MARCHF8: variants seen among roughly 807,000 people sequenced by gnomAD.
MARCHF8 encodes the protein E3 ubiquitin-protein ligase MARCHF8.
MARCHF8 carries 40 observed loss-of-function variants against 51.6 expected under a neutral mutation model. That is an observed-to-expected ratio of 0.77 (90% CI 0.60 to 1.01). MARCHF8 has a LOEUF of 1.01. Among genes scored for constraint, MARCHF8 ranks in the 50% least tolerant of loss-of-function variants. MARCHF8 has a pLI of 0.00. For synonymous variants in MARCHF8, 263 were observed against 280.3 expected, an observed-to-expected ratio of 0.94 and a Z score of 0.62; for missense variants, 685 against 708.6, an observed-to-expected ratio of 0.97 and a Z score of 0.38.
chr10:45,511,648 G>A lies in MARCHF8; in HGVS notation c.102+21462C>T, dbSNP rs936673106. Reference sequence around the variant, plus strand: ...TGGTCTCCAGCTCCTAACCGCGAGTGATCCGCCAGCCTCGGCCTCCCGAGG... The same window carrying A: ...TGGTCTCCAGCTCCTAACCGCGAGTAATCCGCCAGCCTCGGCCTCCCGAGG... On this transcript the variant is annotated intron_variant, in intron 2 of 7. Transcript: ENST00000453424. 3.3e-5 allele frequency among the ~76,000 whole-genome samples: 5 copies of A among 152,256 alleles called. No individual in the cohort carries two copies. The East Asian group carries it at 9.6e-4, about 29-fold the overall frequency.
intron 1 of MARCHF8, among the ~76,000 whole-genome samples, chr10:45,590,407 C>CA (rs1352831627): frequency 6.6e-6 from 1 of 152,062 alleles, no homozygotes; most frequent in Non-Finnish European, 1.5e-5. Flanking sequence ...TCATACCAAA[C>CA]ACTGGGGAGC....
intron 2 of MARCHF8, among the ~76,000 whole-genome samples, chr10:45,503,323 G>T (rs2043315665): frequency 6.6e-6 from 1 of 151,908 alleles, no homozygotes; most frequent in Non-Finnish European, 1.5e-5. Context: ...AGATCACGAG[G>T]TCAAGGGATC....
At chr10:45,487,374 A>G (rs1262737210) in intron 3 of MARCHF8, among the ~76,000 whole-genome samples, 3 of 152,182 alleles carry the variant, frequency 2.0e-5, no homozygotes, top group Non-Finnish European at 2.9e-5. Flanking sequence ...TTTAAAGCAT[A>G]GGATGTCCTC....
At chr10:45,594,682 C>T (rs1266517518) in exon 1 of MARCHF8, 2 of 150,550 alleles carry the variant, frequency 1.3e-5, no homozygotes, top group Non-Finnish European at 3.0e-5. Flanking sequence ...CTGCCCGGGC[C>T]GGGGGCTCGG....
intron 1 of MARCHF8, among the ~76,000 whole-genome samples, chr10:45,562,127 C>A (rs2044317916): frequency 6.6e-6 from 1 of 151,852 alleles, no homozygotes; most frequent in Non-Finnish European, 1.5e-5. Context: ...ATGAAAAACA[C>A]TAAAGAGATT....
At chr10:45,494,638 A>C (rs1039952961) in intron 2 of MARCHF8, among the ~76,000 whole-genome samples, 16 of 152,226 alleles carry the variant, frequency 1.1e-4, no homozygotes, top group Non-Finnish European at 1.9e-4. Flanking sequence ...AATTAACTAA[A>C]GATTTCCTGG....
At chr10:45,569,177 C>T (rs559321867) in intron 1 of MARCHF8, among the ~76,000 whole-genome samples, 28 of 151,690 alleles carry the variant, frequency 1.8e-4, no homozygotes, top group Admixed American at 1.4e-3. Flanking sequence ...ATTGAACAAA[C>T]CTGCCTTAGA....
intron 3 of MARCHF8, among the ~76,000 whole-genome samples, chr10:45,474,320 G>A (rs915181594): frequency 4.6e-5 from 7 of 152,112 alleles, no homozygotes; most frequent in African/African-American, 1.7e-4. Flanking sequence ...AGTCCACCCT[G>A]AGGCCATGCC....
intron 2 of MARCHF8, among the ~76,000 whole-genome samples, chr10:45,489,834 G>A (rs185484421): frequency 6.6e-5 from 10 of 152,226 alleles, no homozygotes; most frequent in Admixed American, 3.9e-4. Context: ...GAGGAGTCAC[G>A]GCGAAAGAGT....
intron 1 of MARCHF8, among the ~76,000 whole-genome samples, chr10:45,568,769 TA>T (rs1160950707): frequency 6.9e-6 from 1 of 144,180 alleles, no homozygotes; most frequent in Non-Finnish European, 1.5e-5. Context: ...TGGTGAGCTT[TA>T]AAAAAATTGC....
intron 1 of MARCHF8, among the ~76,000 whole-genome samples, chr10:45,543,704 C>A (rs762208171): frequency 6.8e-6 from 1 of 146,380 alleles, no homozygotes; most frequent in Non-Finnish European, 1.5e-5. Flanking sequence ...AGGCTGAGGC[C>A]GGAGAATGGC....
At chr10:45,498,385 A>T (rs1449522772) in intron 2 of MARCHF8, among the ~76,000 whole-genome samples, 1 of 152,192 alleles carries the variant, frequency 6.6e-6, no homozygotes, top group Non-Finnish European at 1.5e-5. Context: ...GATACTTTAT[A>T]CAAGTGGAAT....
intron 2 of MARCHF8, among the ~76,000 whole-genome samples, chr10:45,513,921 G>GA (rs1320410772): frequency 6.6e-6 from 1 of 152,208 alleles, no homozygotes; most frequent in Admixed American, 6.5e-5. Context: ...ACTTCCTCTA[G>GA]AAAATAGCAA....
intron 3 of MARCHF8, among the ~76,000 whole-genome samples, chr10:45,484,558 T>C (rs1823748973): frequency 6.6e-6 from 1 of 152,194 alleles, no homozygotes; most frequent in South Asian, 2.1e-4. Flanking sequence ...TCTAAAAATA[T>C]AAGATTTTCT....
At chr10:45,576,087 ATTTAAACT>A (rs2044486343) in intron 1 of MARCHF8, among the ~76,000 whole-genome samples, 1 of 152,236 alleles carries the variant, frequency 6.6e-6, no homozygotes, top group Non-Finnish European at 1.5e-5. Flanking sequence ...CATGAGTGAA[ATTTAAACT>A]ATCTGACTTC....
chr10:45,583,263 C>T (rs1031727849), intron 1 of MARCHF8, among the ~76,000 whole-genome samples: 4 of 152,052 alleles, frequency 2.6e-5, no homozygotes, highest in African/African-American at 9.7e-5. Context: ...GGAAAGAACA[C>T]CAAAACACCA....
Position 45,594,865 on chromosome 10 carries a change from C to T in MARCHF8, c.-709G>A, listed in dbSNP as rs999430075. The T allele has an allele frequency of 5.3e-5, 8 of 152,274 alleles. No homozygotes were observed. In the East Asian group the frequency reaches 1.4e-3, roughly 26 times the overall value. 9.4% of individuals were successfully genotyped at this position (152,274 alleles called of 1,614,324 possible). On this transcript the variant is annotated 5_prime_UTR_variant, in exon 1 of 7. Coordinates refer to the MARCHF8 transcript ENST00000319836. ...CAAGGCCGCACCTCCCCCAGCGCGT[C>T]GCCTGTTTACACCCTACGCCCCTCC...
intron 1 of MARCHF8, among the ~76,000 whole-genome samples, chr10:45,562,873 G>T: frequency 6.6e-6 from 1 of 151,682 alleles, no homozygotes; most frequent in East Asian, 1.9e-4. Flanking sequence ...GCATGAGGAA[G>T]GGGAGGTCAT....
chr10:45,495,973 T>G (rs1412684493), intron 2 of MARCHF8, among the ~76,000 whole-genome samples: 1 of 151,878 alleles, frequency 6.6e-6, no homozygotes, highest in African/African-American at 2.4e-5. Context: ...ACAAAAAGAT[T>G]AACAGCTGAC....
Sources: gnomAD v4.1 joint callset for allele counts (sites outside exome capture counted in the v4.1 genomes callset) on GRCh38, gnomAD v4.1.1 for gene constraint, MANE v1.5 for transcripts, NCBI Gene and HGNC (gene_info 2026-07-23, HGNC 2026-07-21) for gene names.